The following SMG6 variants were observed in gnomAD, a reference collection of about 807,000 sequenced individuals.
SMG6 encodes telomerase-binding protein EST1A.
SMG6 carries 66 observed loss-of-function variants against 142.2 expected under a neutral mutation model. The ratio of observed to expected loss-of-function variants is 0.46; its 90% confidence interval spans 0.38 to 0.57. SMG6 has a LOEUF of 0.57. SMG6 is among the 20% of genes least tolerant of loss of function. SMG6 has a pLI of 0.00. For synonymous variants in SMG6, 779 were observed against 702.4 expected (o/e 1.11, Z -1.72); for missense variants, 1,793 against 1,832.0 (o/e 0.98, Z 0.39).
intron 13 of SMG6, among the ~76,000 whole-genome samples, chr17:2,093,401 T>A (rs1247920655): frequency 6.6e-6 from 1 of 151,674 alleles, no homozygotes; most frequent in East Asian, 1.9e-4. Flanking sequence ...CTAGCCAGGG[T>A]GACAGAGTGA....
intron 12 of SMG6, among the ~76,000 whole-genome samples, chr17:2,176,080 A>G (rs971682791): frequency 1.3e-5 from 2 of 152,224 alleles, no homozygotes; most frequent in Non-Finnish European, 2.9e-5. Context: ...TCTGAACTCA[A>G]AAGTTAAGAT....
Position 2,243,749 on chromosome 17 carries a change from G to T in SMG6, c.2723+909C>A, listed in dbSNP as rs570160589. ...TGACGGGAAGTGAAAGGGAAACATT[G>T]ACAATAACTGGGGTATTCATAATTC... On this transcript the variant is annotated intron_variant, in intron 9 of 18. Coordinates refer to ENST00000263073, the MANE Select transcript of SMG6 (RefSeq NM_017575.5). Among the ~76,000 whole-genome samples, 6 of 152,304 alleles carry T rather than the reference G, an allele frequency of 3.9e-5. No individual in the cohort carries two copies. The South Asian group carries it at 1.2e-3, about 32-fold the overall frequency.
intron 12 of SMG6, among the ~76,000 whole-genome samples, chr17:2,180,586 G>T (rs949453825): frequency 2.5e-4 from 38 of 152,160 alleles, no homozygotes; most frequent in African/African-American, 9.2e-4. Flanking sequence ...TGCTGTTGTG[G>T]TTTTGACTGG....
At chr17:2,177,141 G>A (rs1250769126) in intron 12 of SMG6, among the ~76,000 whole-genome samples, 2 of 152,152 alleles carry the variant, frequency 1.3e-5, no homozygotes, top group Admixed American at 6.5e-5. Flanking sequence ...GGCAGCTGAC[G>A]TCCAGGGAAC....
At chr17:2,302,433 G>A (rs573988951) in intron 1 of SMG6, among the ~76,000 whole-genome samples, 11 of 152,022 alleles carry the variant, frequency 7.2e-5, no homozygotes, top group Admixed American at 3.3e-4. Context: ...CCAAGCTACT[G>A]GGGAGGCTGA....
intron 13 of SMG6, among the ~76,000 whole-genome samples, chr17:2,112,565 AAAT>A (rs1411406613): frequency 7.6e-5 from 11 of 145,578 alleles, no homozygotes; most frequent in African/African-American, 2.3e-4. Context: ...ATAAATAAAT[AAAT>A]AAAAGGCAAT....
chr17:2,285,673 CT>C (rs975736341), intron 6 of SMG6, among the ~76,000 whole-genome samples: 19 of 147,282 alleles, frequency 1.3e-4, no homozygotes, highest in East Asian at 2.0e-4. Context: ...ACCCTCTTTT[CT>C]TTTTTTTTTT....
At chr17:2,116,315 G>A (rs2069504958) in intron 13 of SMG6, among the ~76,000 whole-genome samples, 1 of 152,080 alleles carries the variant, frequency 6.6e-6, no homozygotes, top group South Asian at 2.1e-4. Flanking sequence ...CTGGCCTCAA[G>A]GGATCCTCCC....
intron 13 of SMG6, among the ~76,000 whole-genome samples, chr17:2,130,919 C>T (rs2070100353): frequency 1.3e-5 from 2 of 151,938 alleles, no homozygotes; most frequent in Non-Finnish European, 2.9e-5. Flanking sequence ...CAGAGAATTG[C>T]TTGAACCCAG....
chr17:2,203,054 C>T (rs1288905786), intron 10 of SMG6, among the ~76,000 whole-genome samples: 2 of 152,174 alleles, frequency 1.3e-5, no homozygotes, highest in African/African-American at 2.4e-5. Context: ...AGAAAGACAG[C>T]AAACCATCTA....
rs775300068 is a variant in SMG6, at chr17:2,085,738, C to T, written c.3521G>A (p.Arg1174Gln). The T allele has an allele frequency of 2.8e-5, 45 of 1,613,724 alleles. 2 individuals carry two copies. Among genetic ancestry groups the T allele is most frequent in the East Asian group, 2.2e-5 (1 of 44,898 alleles). ...GKEMGSQEGTRLEDEEEDVVI... is the reference protein window; with the variant it reads ...GKEMGSQEGTQLEDEEEDVVI... Reference sequence around the variant, plus strand: ...CCCGCATAGTACCTCATCTTCCAGTCGTGTTCCCTCTTGGCTTCCCATTTC... The same window carrying T: ...CCCGCATAGTACCTCATCTTCCAGTTGTGTTCCCTCTTGGCTTCCCATTTC... Residue 1174 changes from arginine to glutamine, a missense_variant, in exon 14 of 19, where the codon CGA becomes CAA. Physicochemically the swap from Arg to Gln is conservative, Grantham distance 43. This residue lies in a region of SMG6 where 1,597 missense variants were observed against 1,584.6 expected (regional missense o/e 1.01). Coordinates refer to ENST00000263073, the MANE Select transcript of SMG6 (RefSeq NM_017575.5). This position sits in a 1 kb window ranked among gnomAD's most constrained non-coding sequence, Gnocchi z 4.1.
chr17:2,272,791 A>G (rs1232217051), intron 8 of SMG6, among the ~76,000 whole-genome samples: 1 of 151,996 alleles, frequency 6.6e-6, no homozygotes, highest in Non-Finnish European at 1.5e-5. Flanking sequence ...ACTAAAAATT[A>G]GCCGGGTGTG....
At chr17:2,096,488 C>T (rs761420424) in intron 13 of SMG6, among the ~76,000 whole-genome samples, 1 of 152,068 alleles carries the variant, frequency 6.6e-6, no homozygotes, top group African/African-American at 2.4e-5. Flanking sequence ...GGATTACAGG[C>T]GTGAGCCACT....
chr17:2,303,144 T>G, intron 1 of SMG6: 2 of 985,388 alleles, frequency 2.0e-6, no homozygotes. Flanking sequence ...TGGCGCAGCT[T>G]TCGGAAGCCT....
intron 10 of SMG6, among the ~76,000 whole-genome samples, chr17:2,207,228 G>A (rs932343418): frequency 7.3e-5 from 11 of 151,352 alleles, no homozygotes; most frequent in African/African-American, 2.4e-4. Flanking sequence ...GCAGTGAGCC[G>A]AGGCCGAGAT....
rs759530785 is a variant in SMG6 at position 2,172,668 on chromosome 17, G to T, written c.3347C>A (p.Thr1116Asn). ...TGGCCTGGGGCTGACCTTATCCGAG[G>T]TTTTCTCCACGTAGCAGGGGTCCTG... ...APQDPCYVEKTSDKVIAADCK... is the reference protein window; with the variant it reads ...APQDPCYVEKNSDKVIAADCK... Residue 1116 changes from threonine to asparagine, a missense_variant, in exon 13 of 19, where the codon ACC becomes AAC. This residue lies in a region of SMG6 where 1,597 missense variants were observed against 1,584.6 expected (regional missense o/e 1.01). Coordinates refer to ENST00000263073, the MANE Select transcript of SMG6 (RefSeq NM_017575.5). The T allele has an allele frequency of 3.7e-6, 6 of 1,613,382 alleles. No individual in the cohort carries two copies. The African/African-American group carries it at 8.0e-5, about 22-fold the overall frequency.
chr17:2,225,230 C>T (rs2073281831), intron 10 of SMG6, among the ~76,000 whole-genome samples: 2 of 151,610 alleles, frequency 1.3e-5, no homozygotes, highest in South Asian at 4.2e-4. Flanking sequence ...GTAATCCCAG[C>T]ACTTTGGGAG....
intron 12 of SMG6, among the ~76,000 whole-genome samples, chr17:2,177,697 A>G (rs2071690316): frequency 6.6e-6 from 1 of 152,222 alleles, no homozygotes; most frequent in Non-Finnish European, 1.5e-5. Flanking sequence ...GAGCTATGGA[A>G]GATCAGAGAA....
intron 13 of SMG6, among the ~76,000 whole-genome samples, chr17:2,099,915 T>C (rs2068959111): frequency 6.6e-6 from 1 of 152,190 alleles, no homozygotes; most frequent in Admixed American, 6.5e-5. Flanking sequence ...CAGGCTGGAG[T>C]GCAGTGGTGA....
Sources: gnomAD v4.1 joint callset for allele counts (sites outside exome capture counted in the v4.1 genomes callset) on GRCh38, gnomAD v4.1.1 for gene constraint, gnomAD v4.1.1 regional missense constraint, Gnocchi (gnomAD v3.1) non-coding constraint, MANE v1.5 for transcripts, NCBI Gene and HGNC (gene_info 2026-07-23, HGNC 2026-07-21) for gene names.